The following CTSB variants were observed in gnomAD, a reference collection of about 807,000 sequenced individuals.
CTSB encodes cathepsin B, also known as APP secretase.
In CTSB, 57 loss-of-function variants were observed where a neutral mutation model predicts 44.3. The observed-to-expected ratio is 1.29, with a 90% CI of 1.04 to 1.60. The LOEUF is 1.60. Among genes scored for constraint, CTSB ranks in the 40% most tolerant of loss-of-function variants. The probability of loss-of-function intolerance (pLI) is 0.00; values close to 1 mark genes in which losing one functional copy is unlikely to be tolerated. For synonymous variants in CTSB, 320 were observed against 168.0 expected (o/e 1.91, Z -7.00); for missense variants, 768 against 443.0 (o/e 1.73, Z -6.59).
rs28605689 is a variant in CTSB, at chr8:11,853,378, A to C, written c.77T>G (p.Leu26Arg). The C allele has an allele frequency of 1.5e-5, 24 of 1,612,232 alleles. No individual in the cohort carries two copies. The Admixed American group carries it at 1.5e-4, about 10-fold the overall frequency. Residue 26 changes from leucine to arginine, a missense_variant, in exon 2 of 10, where the codon CTG becomes CGG. Transcript: ENST00000353047. ...GACATAGTTGACCAGCTCATCCGACAGGGGATGGAAAGAGGGCCTGCTCCG... is the reference window on the plus strand; with the variant it reads ...GACATAGTTGACCAGCTCATCCGACCGGGGATGGAAAGAGGGCCTGCTCCG... ...NARSRPSFHP[L>R]SDELVNYVNK... is the part of the protein sequence containing the mutation.
chr8:11,856,131 G>A (rs1412187500), intron 1 of CTSB, among the ~76,000 whole-genome samples: 2 of 152,076 alleles, frequency 1.3e-5, no homozygotes, highest in African/African-American at 2.4e-5. Flanking sequence ...GGACAGTTTG[G>A]CACTTCTTGC....
intron 1 of CTSB, among the ~76,000 whole-genome samples, chr8:11,859,014 G>T (rs1161502217): frequency 6.6e-6 from 1 of 152,124 alleles, no homozygotes; most frequent in Admixed American, 6.6e-5. Flanking sequence ...TCCAGGATGC[G>T]GGCTGGTGGA....
intron 1 of CTSB, among the ~76,000 whole-genome samples, chr8:11,859,261 C>T (rs530513599): frequency 3.3e-5 from 5 of 152,164 alleles, no homozygotes; most frequent in East Asian, 3.9e-4. Context: ...TGCGGCCAGG[C>T]GACTCTATCA....
At chr8:11,857,048 G>C (rs145147919) in intron 1 of CTSB, among the ~76,000 whole-genome samples, 2,973 of 152,216 alleles carry the variant, frequency 0.02, 48 homozygotes, top group Middle Eastern at 0.048. Flanking sequence ...TTTGAGATGG[G>C]AGTCTCGCTC....
At chr8:11,850,254 A>G (rs1358875116) in intron 4 of CTSB, among the ~76,000 whole-genome samples, 2 of 151,938 alleles carry the variant, frequency 1.3e-5, no homozygotes, top group East Asian at 3.9e-4. Context: ...CCCCATCTCT[A>G]CTAAAAATAC....
intron 1 of CTSB, among the ~76,000 whole-genome samples, chr8:11,854,238 G>A (rs984165719): frequency 2.6e-5 from 4 of 152,114 alleles, no homozygotes; most frequent in South Asian, 2.1e-4. Context: ...GGAGAGCCGC[G>A]GCGCGGGGAG....
rs546687307 is a variant in CTSB, at chr8:11,845,737, G to A, written c.846C>T (p.Ile282=). The stretch of plus-strand genomic sequence containing the variant: ...TGCCATTCTCCACTCCCCAGCCCAG[G>A]ATGCGGATGGCATGGCCACCCATCA... ...GEMMGGHAIR[I]LGWGVENGTP... Residue 282 remains isoleucine (I), a synonymous_variant, in exon 9 of 10, where the codon ATC becomes ATT. Coordinates refer to ENST00000353047, the MANE Select transcript of CTSB (RefSeq NM_001908.5). 1.2e-6 allele frequency: 2 copies of A among 1,614,118 alleles called. No individual in the cohort carries two copies. The highest frequency in any genetic ancestry group is 4.5e-5 in the East Asian group (2 of 44,878).
At chr8:11,867,578 A>T (rs1254209854) in intron 1 of CTSB, 1 of 152,240 alleles carries the variant, frequency 6.6e-6, no homozygotes, top group African/African-American at 2.4e-5. Context: ...AGATGCGATT[A>T]TGTCGGCAGT....
At chr8:11,845,550 C>T (rs949826812) in intron 9 of CTSB, 111 bp downstream of exon 9, 8 of 1,342,876 alleles carry the variant, frequency 6.0e-6, no homozygotes, top group East Asian at 2.5e-5. Context: ...ACAGCCTGGC[C>T]GTAGGTCCAG....
At chr8:11,865,012 A>T (rs1432719843) in intron 1 of CTSB, among the ~76,000 whole-genome samples, 1 of 152,172 alleles carries the variant, frequency 6.6e-6, no homozygotes, top group Non-Finnish European at 1.5e-5. Flanking sequence ...ATTAACAACC[A>T]TGCCAGGGCG....
Position 11,853,258 on chromosome 8 carries a change from C to A in CTSB, c.126+71G>T, listed in dbSNP as rs1814924704. On this transcript the variant is annotated intron_variant, in intron 2 of 9. Coordinates refer to ENST00000353047, the MANE Select transcript of CTSB (RefSeq NM_001908.5). The stretch of plus-strand genomic sequence containing the variant: ...GTGGGCCACAGTGAGGGCTGGCTTC[C>A]CATTCCTGGAGTCAGTGTGCACAGA... 1.6e-5 allele frequency: 25 copies of A among 1,577,334 alleles called. No homozygotes were observed. The South Asian group carries it at 2.7e-4, about 17-fold the overall frequency.
At chr8:11,848,821 G>A (rs559757914) in intron 5 of CTSB, 65 of 463,424 alleles carry the variant, frequency 1.4e-4, no homozygotes, top group African/African-American at 1.2e-3. Flanking sequence ...TGACTGTTTT[G>A]CTGGGATGCC....
At chr8:11,849,281 A>T (rs1456788123) in intron 4 of CTSB, 117 bp from the exon 5 acceptor site, 6 of 678,316 alleles carry the variant, frequency 8.8e-6, no homozygotes, top group Non-Finnish European at 1.5e-5. Context: ...ATCTCTCAAC[A>T]CCAGGGGACG....
chr8:11,862,201 C>T (rs1159245117), intron 1 of CTSB: 3 of 141,710 alleles, frequency 2.1e-5, no homozygotes, highest in Non-Finnish European at 4.6e-5. Flanking sequence ...AGTCAGACTC[C>T]ATCTCAAAAA....
At chr8:11,865,196 T>G (rs1022913053) in intron 1 of CTSB, among the ~76,000 whole-genome samples, 1 of 152,236 alleles carries the variant, frequency 6.6e-6, no homozygotes, top group South Asian at 2.1e-4. Context: ...AAGTGCCCAG[T>G]AAATATCACT....
chr8:11,866,562 G>C (rs961099334), intron 1 of CTSB, among the ~76,000 whole-genome samples: 1 of 152,224 alleles, frequency 6.6e-6, no homozygotes, highest in Non-Finnish European at 1.5e-5. Context: ...CGGGTTCTAA[G>C]TCACCAGCAC....
chr8:11,848,040 A>G (rs372885879), intron 6 of CTSB, 27 bp downstream of exon 6: 119 of 1,567,094 alleles, frequency 7.6e-5, no homozygotes, highest in Non-Finnish European at 1.0e-4. Flanking sequence ...CCATCTGGCC[A>G]GAAAGTGGCC....
chr8:11,855,396 C>T (rs927671377), intron 1 of CTSB, among the ~76,000 whole-genome samples: 1 of 152,174 alleles, frequency 6.6e-6, no homozygotes, highest in Non-Finnish European at 1.5e-5. Flanking sequence ...GTGGCTGATG[C>T]CTATAATCCC....
At chr8:11,858,295 GTTT>G (rs927307247) in intron 1 of CTSB, among the ~76,000 whole-genome samples, 1 of 151,926 alleles carries the variant, frequency 6.6e-6, no homozygotes, top group African/African-American at 2.4e-5. Context: ...AAACAAGTTT[GTTT>G]TTTTTGTTTG....
Sources: gnomAD v4.1 joint callset for allele counts (sites outside exome capture counted in the v4.1 genomes callset) on GRCh38, gnomAD v4.1.1 for gene constraint, MANE v1.5 for transcripts, NCBI Gene and HGNC (gene_info 2026-07-23, HGNC 2026-07-21) for gene names.